ARSB: variants seen among roughly 807,000 people sequenced by gnomAD.
ARSB encodes N-acetylgalactosamine-4-sulfatase.
Under a neutral mutation model 50.9 loss-of-function variants are expected in ARSB, and 41 were observed. That is an observed-to-expected ratio of 0.81 (90% CI 0.63 to 1.04). The LOEUF (loss-of-function observed/expected upper bound fraction) is 1.04, where lower values mean the gene tolerates loss of function less well. Ranked by LOEUF, ARSB falls within the 50% of genes least tolerant of loss-of-function variation. The pLI is 0.00. For synonymous variants in ARSB, 269 were observed against 284.8 expected (o/e 0.94, Z 0.56); for missense variants, 672 against 693.3 (o/e 0.97, Z 0.35).
chr5:78,851,334 G>T (rs1170672860), intron 5 of ARSB, among the ~76,000 whole-genome samples: 2 of 152,184 alleles, frequency 1.3e-5, no homozygotes, highest in African/African-American at 4.8e-5. Context: ...AGTCATTCAG[G>T]AGTAGGTTGT....
Position 78,887,904 on chromosome 5 carries a change from T to C in ARSB, c.899-2077A>G, listed in dbSNP as rs370995397. Among the ~76,000 whole-genome samples, 18 of 152,256 alleles carry C rather than the reference T, an allele frequency of 1.2e-4. No homozygotes were observed. In the East Asian group the frequency reaches 1.5e-3, roughly 13 times the overall value. On this transcript the variant is annotated intron_variant, in intron 4 of 7. Transcript: ENST00000264914. ...AAAGTGTACACTCTTCCTATGAGTGTACATAGGAAGTTATTTCAAGGTAAT... is the reference window on the plus strand; with the variant it reads ...AAAGTGTACACTCTTCCTATGAGTGCACATAGGAAGTTATTTCAAGGTAAT...
At chr5:78,810,072 C>T (rs1202026627) in intron 6 of ARSB, among the ~76,000 whole-genome samples, 1 of 152,240 alleles carries the variant, frequency 6.6e-6, no homozygotes. Flanking sequence ...CTGGAGCAAA[C>T]TCTGTTCTCC....
chr5:78,974,343 T>A (rs1487151095), intron 1 of ARSB, among the ~76,000 whole-genome samples: 3 of 152,180 alleles, frequency 2.0e-5, no homozygotes, highest in African/African-American at 7.2e-5. Flanking sequence ...TGGTGTTGAT[T>A]AGTGAAGAGT....
At chr5:78,922,483 A>C (rs1396363240) in intron 4 of ARSB, among the ~76,000 whole-genome samples, 1 of 151,960 alleles carries the variant, frequency 6.6e-6, no homozygotes, top group African/African-American at 2.4e-5. Flanking sequence ...GGAAGAACCC[A>C]GTCCTGGCAG....
intron 6 of ARSB, 27 bp from the exon 7 acceptor site, chr5:78,782,001 A>T: frequency 6.2e-7 from 1 of 1,613,968 alleles, no homozygotes; most frequent in Non-Finnish European, 8.5e-7. Flanking sequence ...TGAAAGAATT[A>T]GATCACTGTT....
At chr5:78,868,835 A>G (rs1374498212) in intron 5 of ARSB, among the ~76,000 whole-genome samples, 1 of 147,864 alleles carries the variant, frequency 6.8e-6, no homozygotes, top group African/African-American at 2.6e-5. Context: ...ATGTAAATGG[A>G]CTAAATGCTA....
intron 4 of ARSB, among the ~76,000 whole-genome samples, chr5:78,921,389 C>T (rs1001265912): frequency 6.7e-6 from 1 of 148,340 alleles, no homozygotes; most frequent in African/African-American, 2.4e-5. Context: ...TGTGTATACA[C>T]ACACATATAT....
At chr5:78,912,584 G>A (rs1413951836) in intron 4 of ARSB, among the ~76,000 whole-genome samples, 9 of 152,166 alleles carry the variant, frequency 5.9e-5, no homozygotes, top group Non-Finnish European at 7.3e-5. Context: ...TATTTGCTGC[G>A]GTGGTTTCAG....
At chr5:78,870,251 A>T (rs1489704519) in intron 5 of ARSB, among the ~76,000 whole-genome samples, 1 of 135,338 alleles carries the variant, frequency 7.4e-6, no homozygotes, top group East Asian at 2.0e-4. Context: ...AGGAACTGGT[A>T]CCATTCTTTC....
chr5:78,819,253 G>A (rs1020809691), intron 6 of ARSB, among the ~76,000 whole-genome samples: 5 of 152,092 alleles, frequency 3.3e-5, no homozygotes, highest in Non-Finnish European at 5.9e-5. Context: ...AGGAAGCTCC[G>A]AGGGCCAACC....
chr5:78,868,424 T>G (rs1393300769), intron 5 of ARSB, among the ~76,000 whole-genome samples: 2 of 102,376 alleles, frequency 2.0e-5, no homozygotes, highest in Admixed American at 2.2e-4. Flanking sequence ...AAGGTCGGGT[T>G]ACCCTCAAAG....
intron 4 of ARSB, among the ~76,000 whole-genome samples, chr5:78,947,518 G>C (rs1285345976): frequency 2.0e-5 from 3 of 152,104 alleles, no homozygotes; most frequent in African/African-American, 7.2e-5. Context: ...ACGGCAAACA[G>C]GTATATGAAA....
At chr5:78,803,267 C>T (rs780068320) in intron 6 of ARSB, among the ~76,000 whole-genome samples, 6 of 152,178 alleles carry the variant, frequency 3.9e-5, no homozygotes, top group Admixed American at 3.3e-4. Context: ...TTCTCCCTAA[C>T]GCACTCCCCT....
At chr5:78,947,401 A>C (rs1293271669) in intron 4 of ARSB, among the ~76,000 whole-genome samples, 2 of 152,212 alleles carry the variant, frequency 1.3e-5, no homozygotes, top group Non-Finnish European at 2.9e-5. Flanking sequence ...ACAAATAACC[A>C]GACTATATAA....
At position 78,857,173 on chromosome 5, in the gene ARSB, T is replaced by C. The variant is rs561704688; in HGVS notation, c.1143-17747A>G. 5.3e-5 allele frequency among the ~76,000 whole-genome samples: 8 copies of C among 152,338 alleles called. No homozygotes were observed. In the South Asian group the frequency reaches 1.7e-3, roughly 32 times the overall value. On this transcript the variant is annotated intron_variant, in intron 5 of 7. Coordinates refer to ENST00000264914, the MANE Select transcript of ARSB (RefSeq NM_000046.5). ...AATGAAACATTAATATTCCTACCTA[T>C]TCTTCTTGCTGGCAAGTGCTCCCTT...
At chr5:78,826,628 A>G (rs2112686080) in intron 6 of ARSB, among the ~76,000 whole-genome samples, 1 of 152,256 alleles carries the variant, frequency 6.6e-6, no homozygotes, top group Non-Finnish European at 1.5e-5. Flanking sequence ...TCTCCATGTG[A>G]TTTCTCTCAA....
upstream of ARSB, chr5:78,985,339 G>T (rs1384490048): frequency 1.1e-5 from 13 of 1,169,524 alleles, no homozygotes; most frequent in Admixed American, 8.7e-5. Flanking sequence ...GGCCTGCTCC[G>T]CCCCGGCGCG....
intron 6 of ARSB, among the ~76,000 whole-genome samples, chr5:78,783,889 T>A (rs185875251): frequency 1.5e-4 from 23 of 152,360 alleles, no homozygotes; most frequent in South Asian, 6.2e-4. Flanking sequence ...GACTTTATTG[T>A]TTTCATTTTG....
chr5:78,877,612 C>T (rs1747548090), intron 5 of ARSB, among the ~76,000 whole-genome samples: 2 of 152,128 alleles, frequency 1.3e-5, no homozygotes, highest in South Asian at 4.2e-4. Context: ...TAGTCTTGAA[C>T]TCTTGACCTC....
Sources: allele counts gnomAD v4.1 joint callset (sites outside exome capture counted in the v4.1 genomes callset), GRCh38; gene constraint gnomAD v4.1.1; transcripts MANE v1.5; gene names NCBI Gene and HGNC (gene_info 2026-07-23, HGNC 2026-07-21).